RYR2: variants seen among roughly 807,000 people sequenced by gnomAD.
RYR2 encodes ryanodine receptor 2.
Under a neutral mutation model 601.1 loss-of-function variants are expected in RYR2, and 227 were observed. The ratio of observed to expected loss-of-function variants is 0.38; its 90% confidence interval spans 0.34 to 0.42. The LOEUF is 0.42. Among genes scored for constraint, RYR2 ranks in the 10% least tolerant of loss-of-function variants. The pLI is 1.00. For missense variants in RYR2, 4,646 were observed against 6,156.5 expected (o/e 0.75, Z 8.21); for synonymous variants, 2,223 against 2,175.1 (o/e 1.02, Z -0.61).
At chr1:237,545,475 G>A (rs1669700603) in intron 25 of RYR2, among the ~76,000 whole-genome samples, 1 of 152,142 alleles carries the variant, frequency 6.6e-6, no homozygotes, top group South Asian at 2.1e-4. Flanking sequence ...GGTGGATATC[G>A]AAACTTCATC....
intron 1 of RYR2, among the ~76,000 whole-genome samples, chr1:237,045,794 A>G (rs1195619407): frequency 1.3e-5 from 2 of 149,646 alleles, no homozygotes; most frequent in Non-Finnish European, 3.0e-5. Context: ...TTTTTTTCCA[A>G]CAATCATACA....
chr1:237,378,737 G>C (rs1389354168), intron 8 of RYR2, among the ~76,000 whole-genome samples: 1 of 152,220 alleles, frequency 6.6e-6, no homozygotes, highest in Non-Finnish European at 1.5e-5. Flanking sequence ...TGGGGATGTT[G>C]TAAGTCAGTT....
At chr1:237,607,511 A>C (rs1677276774) in intron 35 of RYR2, among the ~76,000 whole-genome samples, 1 of 152,208 alleles carries the variant, frequency 6.6e-6, no homozygotes, top group South Asian at 2.1e-4. Context: ...CCAACATGGC[A>C]CATGTATACA....
At chr1:237,135,850 G>A (rs1250400517) in intron 1 of RYR2, among the ~76,000 whole-genome samples, 3 of 152,174 alleles carry the variant, frequency 2.0e-5, no homozygotes, top group Non-Finnish European at 2.9e-5. Context: ...TTGAGTGGAC[G>A]ATGTGAAGCC....
At chr1:237,059,592 T>C (rs1385530688) in intron 1 of RYR2, among the ~76,000 whole-genome samples, 1 of 152,168 alleles carries the variant, frequency 6.6e-6, no homozygotes, top group Non-Finnish European at 1.5e-5. Flanking sequence ...TGCCATAAAC[T>C]GAAATACTGA....
chr1:237,701,986 G>A lies in RYR2; in HGVS notation c.9376G>A (p.Val3126Ile). 6.3e-7 allele frequency: 1 copy of A among 1,595,190 alleles called. No homozygotes were observed. Among genetic ancestry groups the A allele is most frequent in the Non-Finnish European group, 8.6e-7 (1 of 1,163,644 alleles). ...ATTCTCTTTTTCCTTAGTGGAAGAT[G>A]TCCAGGTGTCTTGTTATAGAATTCT... ...QFGEDLILED[V>I]QVSCYRILTS... Residue 3126 changes from valine to isoleucine, a missense_variant, in exon 66 of 105, where the codon GTC (valine) becomes ATC (isoleucine). Coordinates refer to ENST00000366574, the MANE Select transcript of RYR2 (RefSeq NM_001035.3).
intron 36 of RYR2, among the ~76,000 whole-genome samples, chr1:237,613,236 CAT>C (rs1423521552): frequency 6.6e-6 from 1 of 152,190 alleles, no homozygotes; most frequent in African/African-American, 2.4e-5. Flanking sequence ...CTCCTTAACA[CAT>C]GTCACAGTTT....
At chr1:237,304,276 G>A (rs779278761) in intron 2 of RYR2, among the ~76,000 whole-genome samples, 1 of 152,196 alleles carries the variant, frequency 6.6e-6, no homozygotes, top group South Asian at 2.1e-4. Flanking sequence ...AGACTTGCCT[G>A]TAAGCTCATC....
Position 237,467,802 on chromosome 1 carries a change from G to A in RYR2, c.1613-1290G>A, listed in dbSNP as rs575136038. 4.6e-5 allele frequency among the ~76,000 whole-genome samples: 7 copies of A among 151,746 alleles called. No individual in the cohort carries two copies. The South Asian group carries it at 1.0e-3, about 23-fold the overall frequency. On this transcript the variant is annotated intron_variant, in intron 16 of 104. Coordinates refer to ENST00000366574, the MANE Select transcript of RYR2 (RefSeq NM_001035.3). Reference sequence around the variant, plus strand: ...GCTCTTAACAGGGAGGTTAACAGGCGGTAGCCTCAAACTTCACTACTTCAA... The same window carrying A: ...GCTCTTAACAGGGAGGTTAACAGGCAGTAGCCTCAAACTTCACTACTTCAA...
intron 25 of RYR2, among the ~76,000 whole-genome samples, chr1:237,535,292 T>C (rs569283504): frequency 3.3e-5 from 5 of 151,856 alleles, no homozygotes; most frequent in Non-Finnish European, 5.9e-5. Flanking sequence ...TCTGAAAAGA[T>C]TGACAAAGGA....
At chr1:237,261,917 T>A (rs2149314448) in intron 1 of RYR2, among the ~76,000 whole-genome samples, 1 of 152,314 alleles carries the variant, frequency 6.6e-6, no homozygotes. Flanking sequence ...TTTTCAGATT[T>A]TTAGTTTATT....
chr1:237,088,039 T>A (rs1187440182), intron 1 of RYR2, among the ~76,000 whole-genome samples: 3 of 152,246 alleles, frequency 2.0e-5, no homozygotes, highest in Non-Finnish European at 4.4e-5. Context: ...AAATGCTGAC[T>A]GCACTTGCCA....
Position 237,784,035 on chromosome 1 carries a change from A to G in RYR2, c.12323A>G (p.His4108Arg). Residue 4108 changes from histidine to arginine, a missense_variant, in exon 90 of 105, where the codon CAC (histidine) becomes CGC (arginine). Physicochemically the swap from His to Arg is conservative, Grantham distance 29 (BLOSUM62 0). Around this residue, in one of 17 missense-constraint regions of RYR2, gnomAD observed 70 missense variants for 164.6 expected, o/e 0.43. Transcript: ENST00000366574. This position sits in a 1 kb window ranked among gnomAD's most constrained non-coding sequence, Gnocchi z 7.1. ...VAVLLTNLSEHMPNDTRLQTF... is the reference protein window; with the variant it reads ...VAVLLTNLSERMPNDTRLQTF... Reference sequence around the variant, plus strand: ...GTCCTTCTGACAAACCTCTCTGAGCACATGCCCAACGATACCCGACTTCAG... The same window carrying G: ...GTCCTTCTGACAAACCTCTCTGAGCGCATGCCCAACGATACCCGACTTCAG... The G allele has an allele frequency of 6.2e-7, 1 of 1,614,022 alleles. No homozygotes were observed. Among genetic ancestry groups the G allele is most frequent in the Non-Finnish European group, 8.5e-7 (1 of 1,179,888 alleles).
intron 2 of RYR2, among the ~76,000 whole-genome samples, chr1:237,308,447 G>T (rs1363798911): frequency 6.6e-6 from 1 of 152,100 alleles, no homozygotes; most frequent in Admixed American, 6.5e-5. Context: ...ATTATTTCTT[G>T]CATGAAATCT....
Position 237,803,461 on chromosome 1 carries a change from C to T in RYR2, c.14151+1545C>T, listed in dbSNP as rs915534464. The stretch of plus-strand genomic sequence containing the variant: ...GACTACAGGCGCCCGCCACCACGCC[C>T]GGCTAATTTTTTGTACTTTTAGTAG... On this transcript the variant is annotated intron_variant, in intron 98 of 104. Transcript: ENST00000366574. Among the ~76,000 whole-genome samples, 10 of 152,240 alleles carry T rather than the reference C, an allele frequency of 6.6e-5. No homozygotes were observed. In the South Asian group the frequency reaches 1.0e-3, roughly 16 times the overall value.
At position 237,272,679 on chromosome 1, in the gene RYR2, G is replaced by A. The variant is rs140064694; in HGVS notation, c.168+2063G>A. 4.2e-3 allele frequency among the ~76,000 whole-genome samples: 627 copies of A among 150,320 alleles called. 4 individuals carry two copies. Among genetic ancestry groups the A allele is most frequent in the African/African-American group, 0.014 (583 of 41,120 alleles). On this transcript the variant is annotated intron_variant, in intron 2 of 104. Coordinates refer to ENST00000366574, the MANE Select transcript of RYR2 (RefSeq NM_001035.3). ...AATAAGAAGCAGAATAATATCTAAA[G>A]GTAATAAAGGTCAACTAGTTAAATA...
At chr1:237,369,487 T>A in intron 5 of RYR2, 47 bp from the exon 6 acceptor site, 1 of 1,473,248 alleles carries the variant, frequency 6.8e-7, no homozygotes, top group Admixed American at 2.0e-5. Flanking sequence ...TAAGTTACTC[T>A]TTTGTGTTTT....
At chr1:237,504,265 A>C (rs1664980395) in intron 22 of RYR2, among the ~76,000 whole-genome samples, 1 of 152,208 alleles carries the variant, frequency 6.6e-6, no homozygotes, top group African/African-American at 2.4e-5. Context: ...CCGAAAAGAG[A>C]GTCAGCAAAG....
At chr1:237,131,467 C>T (rs1672165785) in intron 1 of RYR2, among the ~76,000 whole-genome samples, 1 of 151,940 alleles carries the variant, frequency 6.6e-6, no homozygotes, top group Non-Finnish European at 1.5e-5. Context: ...CAGAAACAGA[C>T]CAAGAGATGG....
Sources: gnomAD v4.1 joint callset for allele counts (sites outside exome capture counted in the v4.1 genomes callset) on GRCh38, gnomAD v4.1.1 for gene constraint, gnomAD v4.1.1 regional missense constraint, Gnocchi (gnomAD v3.1) non-coding constraint, MANE v1.5 for transcripts, NCBI Gene and HGNC (gene_info 2026-07-23, HGNC 2026-07-21) for gene names.